The following ITGB6 variants were observed in gnomAD, a reference collection of about 807,000 sequenced individuals.
ITGB6 encodes the protein integrin beta-6.
In ITGB6, 80 loss-of-function variants were observed where a neutral mutation model predicts 84.5. The ratio of observed to expected loss-of-function variants is 0.95; its 90% CI spans 0.79 to 1.14. The LOEUF (loss-of-function observed/expected upper bound fraction) is 1.14. Among genes scored for constraint, ITGB6 ranks in the 50% most tolerant of loss-of-function variants. ITGB6 has a pLI of 0.00. For synonymous variants in ITGB6, 383 were observed against 354.9 expected (o/e 1.08, Z -0.89); for missense variants, 1,006 against 968.0 (o/e 1.04, Z -0.52).
At chr2:160,181,934 A>G (rs752221763) in intron 4 of ITGB6, among the ~76,000 whole-genome samples, 1 of 152,222 alleles carries the variant, frequency 6.6e-6, no homozygotes, top group Non-Finnish European at 1.5e-5. Context: ...AACAGAAAGG[A>G]ATAGCATCAA....
chr2:160,155,529 A>G (rs1213272025), intron 7 of ITGB6, among the ~76,000 whole-genome samples: 2 of 152,194 alleles, frequency 1.3e-5, no homozygotes, highest in African/African-American at 4.8e-5. Flanking sequence ...GATGATGATA[A>G]TGGGGAAGGC....
chr2:160,126,696 G>A (rs976555738), intron 10 of ITGB6, 95 bp from the exon 11 acceptor site: 19 of 1,157,306 alleles, frequency 1.6e-5, no homozygotes, highest in Admixed American at 1.1e-4. Context: ...TTTAAGCACC[G>A]TCATCAAAAG....
chr2:160,182,083 C>T (rs1196616364), intron 4 of ITGB6, among the ~76,000 whole-genome samples: 3 of 152,196 alleles, frequency 2.0e-5, no homozygotes, highest in African/African-American at 7.2e-5. Context: ...AATGCCTCTT[C>T]TCCTCCAAAG....
chr2:160,150,695 G>A (rs988406973), intron 7 of ITGB6, among the ~76,000 whole-genome samples: 1 of 152,152 alleles, frequency 6.6e-6, no homozygotes, highest in African/African-American at 2.4e-5. Context: ...CCATTGGTGT[G>A]TATTCAGGAG....
chr2:160,184,782 C>T (rs985959242), intron 4 of ITGB6, among the ~76,000 whole-genome samples: 2 of 152,146 alleles, frequency 1.3e-5, no homozygotes, highest in Non-Finnish European at 2.9e-5. Flanking sequence ...TTATCCACCA[C>T]GATCAAGCTG....
intron 12 of ITGB6, among the ~76,000 whole-genome samples, chr2:160,117,080 C>A (rs1434669646): frequency 1.3e-5 from 2 of 150,824 alleles, no homozygotes; most frequent in Admixed American, 6.6e-5. Context: ...CTTTAACACC[C>A]CACTGTCAAC....
At chr2:160,173,208 G>T (rs1473957512) in intron 5 of ITGB6, among the ~76,000 whole-genome samples, 1 of 152,168 alleles carries the variant, frequency 6.6e-6, no homozygotes, top group Non-Finnish European at 1.5e-5. Flanking sequence ...CAAAAATTAT[G>T]AACCTAATAC....
chr2:160,195,721 C>T, intron 3 of ITGB6, 106 bp from the exon 4 acceptor site: 1 of 1,200,908 alleles, frequency 8.3e-7, no homozygotes, highest in South Asian at 1.4e-5. Context: ...TAAGAACTTA[C>T]TGAAATACAT....
chr2:160,140,445 A>G (rs1683956059), intron 8 of ITGB6, among the ~76,000 whole-genome samples: 2 of 152,156 alleles, frequency 1.3e-5, no homozygotes, highest in Admixed American at 1.3e-4. Flanking sequence ...AGGGGGAAAT[A>G]TTTTTGACAA....
At position 160,106,247 on chromosome 2, in the gene ITGB6, AT is replaced by A. The variant is rs1325290276; in HGVS notation, c.2268+1431del. On this transcript the variant is annotated intron_variant, in intron 14 of 14. Transcript: ENST00000283249. ...CAGTCTTTTTATGTATTTATTTATT[AT>A]TTATTTTGGAGACTGGGGCTCACTC... Among the ~76,000 whole-genome samples, 15 of 152,104 alleles carry A rather than the reference AT, an allele frequency of 9.9e-5. No individual in the cohort carries two copies. In the East Asian group the frequency reaches 2.9e-3, roughly 29 times the overall value.
At chr2:160,124,478 T>C (rs921384762) in intron 11 of ITGB6, among the ~76,000 whole-genome samples, 1 of 152,234 alleles carries the variant, frequency 6.6e-6, no homozygotes, top group African/African-American at 2.4e-5. Context: ...GGCTTTTAAA[T>C]AAAAGATCAC....
In ITGB6 at chr2:160,137,531, C is replaced by G; in HGVS notation, c.1563G>C (p.Gln521His). ...CATAGGGAGACAAGTGGCAGATACA[C>G]TGCCCACAGTAGCAGTCACCCCTTC... ...CSGRGDCYCG[Q>H]CICHLSPYGN... The change falls in exon 10 of 15, where the codon CAG (glutamine) becomes CAC (histidine). Residue 521 changes from glutamine to histidine, a missense_variant. Transcript: ENST00000283249. 1 of 1,614,238 alleles carries G rather than the reference C, an allele frequency of 6.2e-7. No individual in the cohort carries two copies. The highest frequency in any genetic ancestry group is 8.5e-7 in the Non-Finnish European group (1 of 1,180,020).
chr2:160,145,068 G>A (rs1371748046), intron 7 of ITGB6, among the ~76,000 whole-genome samples: 1 of 152,160 alleles, frequency 6.6e-6, no homozygotes, highest in African/African-American at 2.4e-5. Context: ...AATATCATGT[G>A]TCAAATGCCT....
chr2:160,131,289 T>A (rs1180275990), intron 10 of ITGB6, among the ~76,000 whole-genome samples: 1 of 152,178 alleles, frequency 6.6e-6, no homozygotes, highest in Non-Finnish European at 1.5e-5. Flanking sequence ...AGGAGACTAA[T>A]GGAATTTGGG....
At chr2:160,191,599 G>C (rs995056495) in intron 4 of ITGB6, among the ~76,000 whole-genome samples, 4 of 152,176 alleles carry the variant, frequency 2.6e-5, no homozygotes, top group Non-Finnish European at 5.9e-5. Context: ...TTCTCCCTAA[G>C]ATCATGAACA....
chr2:160,178,688 C>CTTTT (rs746675372), intron 4 of ITGB6, among the ~76,000 whole-genome samples: 20 of 103,742 alleles, frequency 1.9e-4, no homozygotes, highest in East Asian at 5.4e-4. Context: ...CTCTCTCTCT[C>CTTTT]TTTTTTTTTT....
chr2:160,143,211 G>A (rs1486919638), intron 7 of ITGB6, among the ~76,000 whole-genome samples: 1 of 152,136 alleles, frequency 6.6e-6, no homozygotes, highest in African/African-American at 2.4e-5. Context: ...CTTAAGCCCA[G>A]GAGGTTGAGG....
At chr2:160,169,883 C>T (rs1176128829) in intron 6 of ITGB6, among the ~76,000 whole-genome samples, 4 of 152,192 alleles carry the variant, frequency 2.6e-5, no homozygotes, top group Non-Finnish European at 5.9e-5. Flanking sequence ...AATATTTTTA[C>T]AGGACAATTG....
intron 7 of ITGB6, among the ~76,000 whole-genome samples, chr2:160,147,783 A>AC (rs1257319709): frequency 6.6e-6 from 1 of 152,218 alleles, no homozygotes; most frequent in Non-Finnish European, 1.5e-5. Flanking sequence ...ATGAAAAAAA[A>AC]ATCTAGACAC....
Sources: gnomAD v4.1 joint callset for allele counts (sites outside exome capture counted in the v4.1 genomes callset) on GRCh38, gnomAD v4.1.1 for gene constraint, MANE v1.5 for transcripts, NCBI Gene and HGNC (gene_info 2026-07-23, HGNC 2026-07-21) for gene names.